DPYSL2: variants seen among roughly 807,000 people sequenced by gnomAD.
DPYSL2 encodes dihydropyrimidinase like 2, also known as dihydropyrimidinase-related protein 2.
Under a neutral mutation model 69.9 loss-of-function variants are expected in DPYSL2, and 13 were observed. That is an observed-to-expected ratio of 0.19 (90% CI 0.12 to 0.30). The LOEUF is 0.30. DPYSL2 is among the 10% of genes least tolerant of loss of function. The pLI is 1.00. For synonymous variants in DPYSL2, 326 were observed against 359.1 expected (o/e 0.91, Z 1.04); for missense variants, 587 against 918.9 (o/e 0.64, Z 4.67).
In DPYSL2 at chr8:26,614,530, A is replaced by G. The variant is rs1420249648; in HGVS notation, c.629-9613A>G. 1.3e-5 allele frequency among the ~76,000 whole-genome samples: 2 copies of G among 152,072 alleles called. No individual in the cohort carries two copies. Among genetic ancestry groups the G allele is most frequent in the African/African-American group, 2.4e-5 (1 of 41,398 alleles). ...TTTAAGGGCACAGTTTGTATCTTCT[A>G]CCTCTTTGTTTCCTCCAAAGTTGGC... On this transcript the variant is annotated intron_variant, in intron 3 of 13. Coordinates refer to ENST00000521913, the MANE Select transcript of DPYSL2 (RefSeq NM_001197293.3). The surrounding 1 kb of genome is among the most constrained non-coding windows in gnomAD (Gnocchi z 4.9).
At chr8:26,556,364 A>G (rs866416446) in intron 1 of DPYSL2, among the ~76,000 whole-genome samples, 2 of 53,942 alleles carry the variant, frequency 3.7e-5, no homozygotes, top group African/African-American at 6.6e-5. Flanking sequence ...ATATATATAT[A>G]GTATATATAT....
In DPYSL2 at chr8:26,571,658, CT is replaced by C. The variant is rs1801239244; in HGVS notation, c.355-10309del. 6.6e-6 allele frequency among the ~76,000 whole-genome samples: 1 copy of C among 152,186 alleles called. No individual in the cohort carries two copies. Among genetic ancestry groups the C allele is most frequent in the Non-Finnish European group, 1.5e-5 (1 of 68,020 alleles). On this transcript the variant is annotated intron_variant, in intron 1 of 13. Transcript: ENST00000521913. The surrounding 1 kb of genome is among the most constrained non-coding windows in gnomAD (Gnocchi z 6.1). ...CAGCAGGATTTGGACAGATGAGCTT[CT>C]TGTCTTCCTGCAGGGAGGATGTGTC...
At chr8:26,543,780 C>T (rs1248582542) in intron 1 of DPYSL2, among the ~76,000 whole-genome samples, 2 of 152,218 alleles carry the variant, frequency 1.3e-5, no homozygotes, top group African/African-American at 2.4e-5. Context: ...AGCCACCGCG[C>T]CTGGCCACTA....
chr8:26,627,258 C>T lies in DPYSL2; in HGVS notation c.899C>T (p.Ala300Val). ...LSVIRDIGAI[A>V]QVHAENGDII... ...GTGATCCGGGATATTGGCGCCATAG[C>T]CCAAGTCCACGCAGAAAATGGCGAC... The change falls in exon 6 of 14, where the codon GCC becomes GTC. Residue 300 changes from alanine (A) to valine (V), a missense_variant. By Grantham distance (64) the Ala-to-Val change is moderately conservative (BLOSUM62 0). Around this residue, in one of 3 missense-constraint regions of DPYSL2, gnomAD observed 452 missense variants for 754.3 expected, o/e 0.60. Transcript: ENST00000521913. This position sits in a 1 kb window ranked among gnomAD's most constrained non-coding sequence, Gnocchi z 6.9. 1 of 1,614,192 alleles carries T rather than the reference C, an allele frequency of 6.2e-7. No individual in the cohort carries two copies. The highest frequency in any genetic ancestry group is 2.2e-5 in the East Asian group (1 of 44,882).
rs531776505 is a variant in DPYSL2, at chr8:26,609,575, C to T, written c.629-14568C>T. On this transcript the variant is annotated intron_variant, in intron 3 of 13. Transcript: ENST00000521913. The surrounding 1 kb of genome is among the most constrained non-coding windows in gnomAD (Gnocchi z 6.5). ...CAAGCCAACTCTGAATCTGTGGTCC[C>T]GTAGCCCCAGGCAACCAAAAGCTGA... Among the ~76,000 whole-genome samples, 20 of 152,304 alleles carry T rather than the reference C, an allele frequency of 1.3e-4. No individual in the cohort carries two copies. Among genetic ancestry groups the T allele is most frequent in the African/African-American group, 4.3e-4 (18 of 41,574 alleles).
intron 1 of DPYSL2, among the ~76,000 whole-genome samples, chr8:26,556,034 A>G (rs564108591): frequency 3.0e-5 from 3 of 100,916 alleles, no homozygotes; most frequent in South Asian, 2.7e-4. Context: ...ATATATAAGT[A>G]TATATATAGT....
At chr8:26,515,431 A>T (rs922689966) in intron 1 of DPYSL2, among the ~76,000 whole-genome samples, 3 of 152,306 alleles carry the variant, frequency 2.0e-5, no homozygotes, top group Non-Finnish European at 2.9e-5. Flanking sequence ...AACTAAGTGG[A>T]TTATGTTCAA....
intron 1 of DPYSL2, among the ~76,000 whole-genome samples, chr8:26,535,635 ATT>A (rs1011684866): frequency 3.2e-4 from 47 of 145,728 alleles, no homozygotes; most frequent in East Asian, 1.2e-3. Context: ...ATATATATAT[ATT>A]TTTTTTTTCA....
At chr8:26,592,326 A>G (rs1020468954) in intron 3 of DPYSL2, among the ~76,000 whole-genome samples, 1 of 151,962 alleles carries the variant, frequency 6.6e-6, no homozygotes, top group South Asian at 2.1e-4. Flanking sequence ...CTAATTTTTT[A>G]CTTGTTAGTA....
chr8:26,552,711 C>A (rs868527093), intron 1 of DPYSL2, among the ~76,000 whole-genome samples: 1 of 152,118 alleles, frequency 6.6e-6, no homozygotes, highest in Non-Finnish European at 1.5e-5. Context: ...ATAACAGACC[C>A]GCTCTTGTGA....
chr8:26,591,473 G>A lies in DPYSL2; in HGVS notation c.628+7490G>A, dbSNP rs915499223. Among the ~76,000 whole-genome samples, 11 of 152,316 alleles carry A rather than the reference G, an allele frequency of 7.2e-5. No homozygotes were observed. The highest frequency in any genetic ancestry group is 1.6e-4 in the Non-Finnish European group (11 of 68,026). ...TTGGGCAGAGACTTCTGAGGACAGC[G>A]ATCGTGGCCTCTCCATTTTCCTAAG... On this transcript the variant is annotated intron_variant, in intron 3 of 13. Transcript: ENST00000521913. This position sits in a 1 kb window ranked among gnomAD's most constrained non-coding sequence, Gnocchi z 5.8.
Position 26,644,086 on chromosome 8 carries a change from G to T in DPYSL2, c.1420G>T (p.Ala474Ser), listed in dbSNP as rs756751849. The change falls in exon 10 of 14, where the codon GCT becomes TCT. Residue 474 changes from alanine (A) to serine (S), a missense_variant. Physicochemically the swap from Ala to Ser is moderately conservative, Grantham distance 99 (BLOSUM62 1). Coordinates refer to ENST00000521913, the MANE Select transcript of DPYSL2 (RefSeq NM_001197293.3). The surrounding 1 kb of genome is among the most constrained non-coding windows in gnomAD (Gnocchi z 4.5). ...EERMSVIWDKAVVTGKMDENQ... is the reference protein window; with the variant it reads ...EERMSVIWDKSVVTGKMDENQ... ...GCGGATGTCCGTCATCTGGGACAAG[G>T]CTGTGGTAAGGAGCGATGGCCTCAC... 2 of 1,613,984 alleles carry T rather than the reference G, an allele frequency of 1.2e-6. No individual in the cohort carries two copies. The highest frequency in any genetic ancestry group is 2.2e-5 in the South Asian group (2 of 91,078).
At chr8:26,549,226 A>ATCATC (rs1554534411) in intron 1 of DPYSL2, among the ~76,000 whole-genome samples, 6,556 of 145,460 alleles carry the variant, frequency 0.045, 180 homozygotes, top group South Asian at 0.15. Flanking sequence ...TAATAATAAT[A>ATCATC]ATCAAAAGGA....
In DPYSL2 at chr8:26,585,524, C is replaced by T. The variant is rs765192339; in HGVS notation, c.628+1541C>T. Among the ~76,000 whole-genome samples, 23 of 152,238 alleles carry T rather than the reference C, an allele frequency of 1.5e-4. No homozygotes were observed. The highest frequency in any genetic ancestry group is 3.1e-4 in the Non-Finnish European group (21 of 68,020). ...CTTGTGTCTTGCTGTACATGTTGCCCTTTAACCTAGTGGGTGCCATTTTCC... is the reference window on the plus strand; with the variant it reads ...CTTGTGTCTTGCTGTACATGTTGCCTTTTAACCTAGTGGGTGCCATTTTCC... On this transcript the variant is annotated intron_variant, in intron 3 of 13. Transcript: ENST00000521913. This position sits in a 1 kb window ranked among gnomAD's most constrained non-coding sequence, Gnocchi z 4.0.
Position 26,578,204 on chromosome 8 carries a change from G to A in DPYSL2, c.355-3765G>A, listed in dbSNP as rs373012846. 120 of 1,612,228 alleles carry A rather than the reference G, an allele frequency of 7.4e-5. No homozygotes were observed. In the East Asian group the frequency reaches 2.1e-3, roughly 28 times the overall value. ...AAAAACCCAAGTCCCCTTCCCGGCA[G>A]TTTTTGCCTTAAAGCTGCCCTCTTG... is the stretch of plus-strand genomic sequence containing the variant. On this transcript the variant is annotated intron_variant, in intron 1 of 13. Coordinates refer to ENST00000521913, the MANE Select transcript of DPYSL2 (RefSeq NM_001197293.3).
intron 8 of DPYSL2, among the ~76,000 whole-genome samples, chr8:26,636,845 A>G (rs774068191): frequency 1.3e-5 from 2 of 151,788 alleles, no homozygotes; most frequent in Non-Finnish European, 2.9e-5. Context: ...GACTCAAGCG[A>G]TTCTCCCGCC....
At position 26,653,352 on chromosome 8, in the gene DPYSL2, G is replaced by T; in HGVS notation, c.1897G>T (p.Ala633Ser). Residue 633 changes from alanine (A) to serine (S), a missense_variant, in exon 13 of 14, where the codon GCC becomes TCC. Ala to Ser is a moderately conservative substitution (Grantham distance 99). This residue lies in a region of DPYSL2 where 452 missense variants were observed against 754.3 expected (regional missense o/e 0.60). Coordinates refer to ENST00000521913, the MANE Select transcript of DPYSL2 (RefSeq NM_001197293.3). This position sits in a 1 kb window ranked among gnomAD's most constrained non-coding sequence, Gnocchi z 5.7. ...CAAGACGTCTCCTGCCAAGCAGCAG[G>T]CCCCACCTGTCCGGAACCTGCACCA... Reference protein sequence around the residue: ...SAKTSPAKQQAPPVRNLHQSG... With the variant: ...SAKTSPAKQQSPPVRNLHQSG... 6.2e-7 allele frequency: 1 copy of T among 1,614,120 alleles called. No homozygotes were observed. Among genetic ancestry groups the T allele is most frequent in the Middle Eastern group, 1.6e-4 (1 of 6,062 alleles).
chr8:26,543,823 G>A (rs1800722298), intron 1 of DPYSL2, among the ~76,000 whole-genome samples: 1 of 151,946 alleles, frequency 6.6e-6, no homozygotes, highest in African/African-American at 2.4e-5. Flanking sequence ...GTTTGCTCAG[G>A]GTGTTCCTAT....
chr8:26,551,316 C>A (rs1029564613), intron 1 of DPYSL2, among the ~76,000 whole-genome samples: 2 of 152,062 alleles, frequency 1.3e-5, no homozygotes, highest in Non-Finnish European at 2.9e-5. Flanking sequence ...GACTTCAGAG[C>A]TAGGAAAATT....
Sources: gnomAD v4.1 joint callset for allele counts (sites outside exome capture counted in the v4.1 genomes callset) on GRCh38, gnomAD v4.1.1 for gene constraint, gnomAD v4.1.1 regional missense constraint, Gnocchi (gnomAD v3.1) non-coding constraint, MANE v1.5 for transcripts, NCBI Gene and HGNC (gene_info 2026-07-23, HGNC 2026-07-21) for gene names.